The following GATB variants were observed in gnomAD, a reference collection of about 807,000 sequenced individuals.
GATB encodes the protein glutamyl-tRNA amidotransferase subunit B, also known as glutamyl-tRNA(Gln) amidotransferase subunit B, mitochondrial.
In GATB, 39 loss-of-function variants were observed where a neutral mutation model predicts 62.3. The observed-to-expected ratio is 0.63, with a 90% CI of 0.48 to 0.82. GATB has a LOEUF of 0.82. Ranked by LOEUF, GATB falls within the 40% of genes least tolerant of loss-of-function variation. GATB has a pLI of 0.00. For synonymous variants in GATB, 276 were observed against 258.9 expected, an observed-to-expected ratio of 1.07 and a Z score of -0.63; for missense variants, 670 against 684.0, an observed-to-expected ratio of 0.98 and a Z score of 0.23.
intron 2 of GATB, among the ~76,000 whole-genome samples, chr4:151,734,025 C>T (rs1002893707): frequency 6.6e-6 from 1 of 152,154 alleles, no homozygotes; most frequent in African/African-American, 2.4e-5. Context: ...AGCATTCCCT[C>T]TGAGAACTGG....
chr4:151,671,859 T>TATC (rs1273914587), intron 12 of GATB, among the ~76,000 whole-genome samples: 1 of 152,186 alleles, frequency 6.6e-6, no homozygotes, highest in Non-Finnish European at 1.5e-5. Context: ...GCTGAATTCC[T>TATC]ATCAGATAGC....
chr4:151,671,430 T>G, intron 12 of GATB, 128 bp from the exon 13 acceptor site: 1 of 890,642 alleles, frequency 1.1e-6, no homozygotes. Flanking sequence ...AGACATAAAA[T>G]GTAGAACAGA....
chr4:151,734,156 C>T (rs185550630), intron 2 of GATB, among the ~76,000 whole-genome samples: 1 of 152,262 alleles, frequency 6.6e-6, no homozygotes, highest in African/African-American at 2.4e-5. Context: ...GTCAAACTGT[C>T]CCTGTCTGCT....
intron 9 of GATB, among the ~76,000 whole-genome samples, chr4:151,695,412 A>G (rs1026458397): frequency 5.9e-5 from 9 of 152,254 alleles, no homozygotes; most frequent in Admixed American, 1.3e-4. Context: ...TCTGTCCCCA[A>G]GTCAGTGTTT....
rs891770483 is a variant in GATB, at chr4:151,730,350, C to T, written c.328-10812G>A. On this transcript the variant is annotated intron_variant, in intron 2 of 12. Coordinates refer to ENST00000263985, the MANE Select transcript of GATB (RefSeq NM_004564.3). The surrounding 1 kb of genome is among the most constrained non-coding windows in gnomAD (Gnocchi z 4.1). Reference sequence around the variant, plus strand: ...GGTCCTTCCCTACTCAACCTGGTAACAGAAGACGAAGGACATACAATCTTG... The same window carrying T: ...GGTCCTTCCCTACTCAACCTGGTAATAGAAGACGAAGGACATACAATCTTG... 2.6e-5 allele frequency among the ~76,000 whole-genome samples: 4 copies of T among 152,178 alleles called. No homozygotes were observed. The highest frequency in any genetic ancestry group is 4.4e-5 in the Non-Finnish European group (3 of 68,028).
At position 151,755,526 on chromosome 4, in the gene GATB, C is replaced by T. The variant is rs548563142; in HGVS notation, c.327+3246G>A. On this transcript the variant is annotated intron_variant, in intron 2 of 12. Coordinates refer to ENST00000263985, the MANE Select transcript of GATB (RefSeq NM_004564.3). ...TTACTACGTCAATAAACATGTTGGGCGAATAAAGTAGTCAAATTGCCATTT... is the reference window on the plus strand; with the variant it reads ...TTACTACGTCAATAAACATGTTGGGTGAATAAAGTAGTCAAATTGCCATTT... Among the ~76,000 whole-genome samples the T allele has an allele frequency of 1.9e-4, 29 of 152,250 alleles. 2 individuals carry two copies. The South Asian group carries it at 5.4e-3, about 28-fold the overall frequency.
At chr4:151,704,510 G>A (rs1408979651) in intron 7 of GATB, among the ~76,000 whole-genome samples, 1 of 151,896 alleles carries the variant, frequency 6.6e-6, no homozygotes, top group African/African-American at 2.4e-5. Context: ...CTGGAGTGCA[G>A]TGGCACTATC....
chr4:151,722,954 C>T (rs1203709045), intron 2 of GATB: 2 of 152,212 alleles, frequency 1.3e-5, no homozygotes, highest in Non-Finnish European at 2.9e-5. Context: ...CCTGAAGTGA[C>T]AACTGATTGT....
intron 2 of GATB, 132 bp downstream of exon 2, chr4:151,758,640 C>T (rs1445263197): frequency 2.5e-5 from 18 of 710,454 alleles, no homozygotes; most frequent in Admixed American, 3.3e-5. Context: ...TAATATATCC[C>T]GCTTCACCCA....
At chr4:151,751,000 G>A (rs774042953) in intron 2 of GATB, among the ~76,000 whole-genome samples, 2 of 151,992 alleles carry the variant, frequency 1.3e-5, no homozygotes, top group African/African-American at 2.4e-5. Flanking sequence ...ATGAGAAGTT[G>A]GGTAACATAA....
chr4:151,714,991 G>A (rs1738886234), intron 5 of GATB, among the ~76,000 whole-genome samples: 1 of 152,156 alleles, frequency 6.6e-6, no homozygotes, highest in Admixed American at 6.6e-5. Flanking sequence ...ATGTACCAGG[G>A]CTCTGATGTT....
chr4:151,723,038 T>C (rs1739060385), intron 2 of GATB: 1 of 152,238 alleles, frequency 6.6e-6, no homozygotes, highest in South Asian at 2.1e-4. Context: ...TTCCAGAATT[T>C]CTCTGTAATT....
chr4:151,700,600 T>A (rs772739913), intron 9 of GATB, among the ~76,000 whole-genome samples: 3 of 152,216 alleles, frequency 2.0e-5, no homozygotes, highest in Non-Finnish European at 2.9e-5. Context: ...GTGTGGCATA[T>A]ACTGATTCCC....
At chr4:151,695,930 ATTTTTTT>A (rs57028979) in intron 9 of GATB, among the ~76,000 whole-genome samples, 61 of 122,844 alleles carry the variant, frequency 5.0e-4, no homozygotes, top group East Asian at 4.1e-3. Flanking sequence ...GCTAATTTAA[ATTTTTTT>A]TTTTTTTTTT....
chr4:151,739,293 A>G (rs1019413035), intron 2 of GATB, among the ~76,000 whole-genome samples: 9 of 152,210 alleles, frequency 5.9e-5, no homozygotes, highest in African/African-American at 2.2e-4. Context: ...ACAAAGGCTC[A>G]CTAGCAAGAA....
rs148293120 is a variant in GATB at position 151,685,877 on chromosome 4, G to A, written c.1331+2753C>T. ...AGCCTGCCCAACATGGTGAAACCCT[G>A]TCTCTACTAAAAAGAAAATACAAAA... On this transcript the variant is annotated intron_variant, in intron 10 of 12. Coordinates refer to ENST00000263985, the MANE Select transcript of GATB (RefSeq NM_004564.3). Among the ~76,000 whole-genome samples, 1,174 of 136,654 alleles carry A rather than the reference G, an allele frequency of 8.6e-3. 13 individuals are homozygous for A. The highest frequency in any genetic ancestry group is 0.032 in the African/African-American group (1,094 of 34,434). The allele number at this position is 136,654 out of a possible 152,430, so 89.7% of individuals were successfully genotyped here.
intron 10 of GATB, among the ~76,000 whole-genome samples, chr4:151,686,632 G>T (rs1410843100): frequency 1.5e-5 from 2 of 131,964 alleles, no homozygotes; most frequent in African/African-American, 3.2e-5. Context: ...CTTGGCTTCT[G>T]TGTCACCAGT....
chr4:151,722,357 T>C (rs1184804658), intron 2 of GATB: 1 of 618,598 alleles, frequency 1.6e-6, no homozygotes, highest in East Asian at 2.8e-5. Flanking sequence ...CAAGTTTGTC[T>C]TTCATACTAG....
chr4:151,688,639 A>G lies in GATB; in HGVS notation c.1322T>C (p.Val441Ala). 6.2e-7 allele frequency: 1 copy of G among 1,606,378 alleles called. No individual in the cohort carries two copies. Among genetic ancestry groups the G allele is most frequent in the Non-Finnish European group, 8.5e-7 (1 of 1,178,072 alleles). The change falls in exon 10 of 13, where the codon GTC (valine) becomes GCC (alanine). Residue 441 changes from valine (V) to alanine (A), a missense_variant. Coordinates refer to ENST00000263985, the MANE Select transcript of GATB (RefSeq NM_004564.3). ...CCCAGACCTCACTCACCTCTCACTG[A>G]CAGCGAGGTTCTGTTGCTTTAAATA... ...LGYLKQQNLA[V>A]SESPVTPSAL...
Sources: gnomAD v4.1 joint callset for allele counts (sites outside exome capture counted in the v4.1 genomes callset) on GRCh38, gnomAD v4.1.1 for gene constraint, Gnocchi (gnomAD v3.1) non-coding constraint, MANE v1.5 for transcripts, NCBI Gene and HGNC (gene_info 2026-07-23, HGNC 2026-07-21) for gene names.